The following ABHD2 variants were observed in gnomAD, a reference collection of about 807,000 sequenced individuals.
The protein encoded by ABHD2 is abhydrolase domain containing 2, acylglycerol lipase.
ABHD2 carries 20 observed loss-of-function variants against 48.1 expected under a neutral mutation model. That is an observed-to-expected ratio of 0.42 (90% confidence interval 0.29 to 0.60). ABHD2 has a LOEUF of 0.60. Ranked by LOEUF, ABHD2 falls within the 20% of genes least tolerant of loss-of-function variation. The pLI is 0.24. For missense variants in ABHD2, 405 were observed against 550.9 expected (o/e 0.74, Z 2.65); for synonymous variants, 209 against 214.2 (o/e 0.98, Z 0.21).
rs1360350658 is a variant in ABHD2 at position 89,184,419 on chromosome 15, C to T, written c.723-1005C>T. 6.6e-6 allele frequency among the ~76,000 whole-genome samples: 1 copy of T among 152,218 alleles called. No individual in the cohort carries two copies. Among genetic ancestry groups the T allele is most frequent in the African/African-American group, 2.4e-5 (1 of 41,460 alleles). ...TAGTAGAAGTAGTGACGTCCAGATC[C>T]ATTCACAGGGTGGAGTCAGGCCTGG... is the stretch of plus-strand genomic sequence containing the variant. On this transcript the variant is annotated intron_variant, in intron 6 of 10. Coordinates refer to ENST00000352732, the MANE Select transcript of ABHD2 (RefSeq NM_152924.5). This position sits in a 1 kb window ranked among gnomAD's most constrained non-coding sequence, Gnocchi z 5.1.
the ABHD2 span, among the ~76,000 whole-genome samples, chr15:89,079,969 T>C: frequency 6.6e-6 from 1 of 152,146 alleles, no homozygotes; most frequent in African/African-American, 2.4e-5. This position sits in a 1 kb window ranked among gnomAD's most constrained non-coding sequence, Gnocchi z 4.3. Flanking sequence ...GGCTGATAAA[T>C]CTGGGGCTCA....
the ABHD2 span, among the ~76,000 whole-genome samples, chr15:89,082,229 T>C: frequency 6.6e-6 from 1 of 152,184 alleles, no homozygotes; most frequent in Non-Finnish European, 1.5e-5. The surrounding 1 kb of genome is among the most constrained non-coding windows in gnomAD (Gnocchi z 4.4). Context: ...ATAACATTAT[T>C]AAGTAAATAA....
rs1470245795 is a variant in ABHD2 at position 89,155,815 on chromosome 15, G to C, written c.538+281G>C. On this transcript the variant is annotated intron_variant, in intron 5 of 10. Coordinates refer to ENST00000352732, the MANE Select transcript of ABHD2 (RefSeq NM_152924.5). The surrounding 1 kb of genome is among the most constrained non-coding windows in gnomAD (Gnocchi z 4.9). ...CCCCTAGCTAGTAAGAGTCACAGCA[G>C]GGCTGGGAGCCAGGTAGATCGGGTA... 7.2e-5 allele frequency among the ~76,000 whole-genome samples: 11 copies of C among 152,182 alleles called. No individual in the cohort carries two copies. Among genetic ancestry groups the C allele is most frequent in the Non-Finnish European group, 1.5e-5 (1 of 68,022 alleles).
chr15:89,156,520 G>T (rs2050676978), intron 5 of ABHD2, among the ~76,000 whole-genome samples: 1 of 152,080 alleles, frequency 6.6e-6, no homozygotes, highest in African/African-American at 2.4e-5. Context: ...GCTGAGGCAG[G>T]TGGATCACTT....
rs1365960452 is a variant in ABHD2 at position 89,186,301 on chromosome 15, G to T, written c.815+785G>T. ...TCCTGCCTCTCCGCCTCGTAATCCT[G>T]TGGTGGGTTAACCTGTCAAGTGCTT... On this transcript the variant is annotated intron_variant, in intron 7 of 10. Transcript: ENST00000352732. The surrounding 1 kb of genome is among the most constrained non-coding windows in gnomAD (Gnocchi z 4.3). Among the ~76,000 whole-genome samples the T allele has an allele frequency of 2.6e-5, 4 of 152,182 alleles. No homozygotes were observed. Among genetic ancestry groups the T allele is most frequent in the African/African-American group, 9.6e-5 (4 of 41,460 alleles).
chr15:89,136,981 G>C (rs555560921), intron 3 of ABHD2, among the ~76,000 whole-genome samples: 2 of 152,354 alleles, frequency 1.3e-5, no homozygotes, highest in African/African-American at 4.8e-5. Flanking sequence ...CGTACATCCT[G>C]TTTGGTTAGC....
rs2050990189 is a variant in ABHD2 at position 89,175,105 on chromosome 15, A to G, written c.539-707A>G. 6.6e-6 allele frequency among the ~76,000 whole-genome samples: 1 copy of G among 152,238 alleles called. No homozygotes were observed. ...ACTCTGTCAAGAAGATTCTGTAAAT[A>G]ACATCCACTTGCTACTTTTCTTAAC... On this transcript the variant is annotated intron_variant, in intron 5 of 10. Coordinates refer to ENST00000352732, the MANE Select transcript of ABHD2 (RefSeq NM_152924.5). This position sits in a 1 kb window ranked among gnomAD's most constrained non-coding sequence, Gnocchi z 5.7.
In ABHD2 at chr15:89,116,989, G is replaced by T. The variant is rs2049970902; in HGVS notation, c.194+468G>T. ...CTAAGAGAATGCACTTAAAGAGAGT[G>T]CTTTGTATGAGTGAACCAGGTTTCC... On this transcript the variant is annotated intron_variant, in intron 3 of 10. Coordinates refer to ENST00000352732, the MANE Select transcript of ABHD2 (RefSeq NM_152924.5). This position sits in a 1 kb window ranked among gnomAD's most constrained non-coding sequence, Gnocchi z 4.6. Among the ~76,000 whole-genome samples the T allele has an allele frequency of 1.3e-5, 2 of 152,138 alleles. No individual in the cohort carries two copies. Among genetic ancestry groups the T allele is most frequent in the African/African-American group, 4.8e-5 (2 of 41,428 alleles).
At chr15:89,055,184 T>A in the ABHD2 span, among the ~76,000 whole-genome samples, 1 of 152,244 alleles carries the variant, frequency 6.6e-6, no homozygotes, top group Admixed American at 6.5e-5. Context: ...AGTGATGAAT[T>A]GAAACCCAGT....
At chr15:89,066,739 T>C in the ABHD2 span, among the ~76,000 whole-genome samples, 4 of 152,080 alleles carry the variant, frequency 2.6e-5, no homozygotes, top group African/African-American at 9.7e-5. Context: ...GCAAGATACC[T>C]TTTCAGTGAA....
chr15:89,136,455 G>A (rs1349051887), intron 3 of ABHD2: 1 of 470,754 alleles, frequency 2.1e-6, no homozygotes, highest in Non-Finnish European at 4.1e-6. Context: ...TGCATATGAT[G>A]GCATTTTCTC....
Position 89,114,763 on chromosome 15 carries a change from A to G in ABHD2, c.-7+939A>G. 6.6e-6 allele frequency among the ~76,000 whole-genome samples: 1 copy of G among 152,228 alleles called. No homozygotes were observed. Among genetic ancestry groups the G allele is most frequent in the East Asian group, 1.9e-4 (1 of 5,198 alleles). On this transcript the variant is annotated intron_variant, in intron 2 of 10. Coordinates refer to ENST00000352732, the MANE Select transcript of ABHD2 (RefSeq NM_152924.5). The surrounding 1 kb of genome is among the most constrained non-coding windows in gnomAD (Gnocchi z 4.2). ...CCTCCCAAAGTGCATGATTACAGGC[A>G]TGAGCCATGGTGCCCAGCCCAGAAG...
the ABHD2 span, among the ~76,000 whole-genome samples, chr15:89,049,499 C>T: frequency 1.3e-5 from 2 of 152,364 alleles, no homozygotes; most frequent in South Asian, 4.1e-4. Context: ...TCGCTGCCGC[C>T]TTGCAGTTTG....
chr15:89,064,915 A>C, the ABHD2 span, among the ~76,000 whole-genome samples: 2 of 152,098 alleles, frequency 1.3e-5, no homozygotes, highest in Admixed American at 6.5e-5. Context: ...CCTCAGAAGC[A>C]CCTGCAGGCC....
Position 89,166,783 on chromosome 15 carries a change from C to A in ABHD2, c.539-9029C>A, listed in dbSNP as rs367638412. ...TCATGCCACTGCACAGCCTGAGCTACAGAGTGAGACCCTATCTCTTAAAAC... is the reference window on the plus strand; with the variant it reads ...TCATGCCACTGCACAGCCTGAGCTAAAGAGTGAGACCCTATCTCTTAAAAC... On this transcript the variant is annotated intron_variant, in intron 5 of 10. Transcript: ENST00000352732. The surrounding 1 kb of genome is among the most constrained non-coding windows in gnomAD (Gnocchi z 4.6). Among the ~76,000 whole-genome samples the A allele has an allele frequency of 1.3e-5, 2 of 152,302 alleles. No individual in the cohort carries two copies. Among genetic ancestry groups the A allele is most frequent in the East Asian group, 1.9e-4 (1 of 5,186 alleles).
intron 1 of ABHD2, among the ~76,000 whole-genome samples, chr15:89,105,995 C>G (rs915386229): frequency 2.0e-4 from 31 of 152,146 alleles, no homozygotes; most frequent in Non-Finnish European, 4.6e-4. Context: ...AGCCACTGTG[C>G]CCAGCCGAGA....
chr15:89,079,453 TTCTACATGGCAAAATAAACC>T, the ABHD2 span, among the ~76,000 whole-genome samples: 95,152 of 147,390 alleles, frequency 0.65, 31,593 homozygotes, highest in South Asian at 0.73. The surrounding 1 kb of genome is among the most constrained non-coding windows in gnomAD (Gnocchi z 4.3). Context: ...TAAAACAAAC[TTCTACATGGCAAAATAAACC>T]TCTACATGGC....
the ABHD2 span, among the ~76,000 whole-genome samples, chr15:89,053,029 G>A: frequency 1.7e-4 from 25 of 150,480 alleles, no homozygotes; most frequent in Admixed American, 1.4e-3. Flanking sequence ...GTGCAGTGGC[G>A]TGGTCTTGGC....
At chr15:89,059,633 A>G in the ABHD2 span, among the ~76,000 whole-genome samples, 1 of 152,156 alleles carries the variant, frequency 6.6e-6, no homozygotes, top group African/African-American at 2.4e-5. Context: ...CGGCTACCCC[A>G]TAATATACAG....
Sources: allele counts gnomAD v4.1 joint callset (sites outside exome capture counted in the v4.1 genomes callset), GRCh38; gene constraint gnomAD v4.1.1; non-coding constraint Gnocchi (gnomAD v3.1); transcripts MANE v1.5; gene names NCBI Gene and HGNC (gene_info 2026-07-23, HGNC 2026-07-21).